Variants in ARL13B observed in about 807,000 individuals in gnomAD.
ARL13B encodes ADP-ribosylation factor-like protein 13B.
Under a neutral mutation model 56.1 loss-of-function variants are expected in ARL13B, and 36 were observed. That is an observed-to-expected ratio of 0.64 (90% CI 0.49 to 0.85). ARL13B has a LOEUF of 0.85. Ranked by LOEUF, ARL13B falls within the 40% of genes least tolerant of loss-of-function variation. ARL13B has a pLI of 0.00. For synonymous variants in ARL13B, 178 were observed against 171.1 expected, an observed-to-expected ratio of 1.04 and a Z score of -0.32; for missense variants, 519 against 507.1, an observed-to-expected ratio of 1.02 and a Z score of -0.23.
At chr3:94,015,097 T>G in intron 3 of ARL13B, 2 of 1,613,898 alleles carry the variant, frequency 1.2e-6, no homozygotes, top group Non-Finnish European at 1.7e-6. Flanking sequence ...AATACTTTCC[T>G]GTAGTTTTTG....
Position 94,039,899 on chromosome 3 carries a change from C to G in ARL13B, c.709C>G (p.Gln237Glu). The G allele has an allele frequency of 6.2e-7, 1 of 1,613,952 alleles. No homozygotes were observed. The highest frequency in any genetic ancestry group is 8.5e-7 in the Non-Finnish European group (1 of 1,179,952). The stretch of plus-strand genomic sequence containing the variant: ...CGATAGAAAACAAAATGAACAGGAG[C>G]AGGCTGAACTCGATGGAACCAGTGG... ...REERKQNEQE[Q>E]AELDGTSGLA... The change falls in exon 6 of 10, where the codon CAG (glutamine) becomes GAG (glutamate). Residue 237 changes from glutamine to glutamate, a missense_variant. By Grantham distance (29) the Gln-to-Glu change is conservative. Coordinates refer to ENST00000394222, the MANE Select transcript of ARL13B (RefSeq NM_001174150.2).
chr3:94,000,925 A>C (rs1306936842), intron 2 of ARL13B, among the ~76,000 whole-genome samples: 2 of 152,126 alleles, frequency 1.3e-5, no homozygotes, highest in Non-Finnish European at 2.9e-5. Context: ...ACGAGGATAG[A>C]TGGATAAATA....
intron 2 of ARL13B, chr3:93,996,546 AG>A (rs2075968563): frequency 3.6e-6 from 1 of 278,920 alleles, no homozygotes. Flanking sequence ...TTAATTTATT[AG>A]GTCTTTTTTT....
At chr3:94,016,752 T>G (rs1184207785) in intron 3 of ARL13B, among the ~76,000 whole-genome samples, 1 of 151,854 alleles carries the variant, frequency 6.6e-6, no homozygotes, top group Middle Eastern at 3.2e-3. Context: ...GTTTAAGTGA[T>G]TCTCCTGCCT....
chr3:94,015,358 C>G (rs1380505633), intron 3 of ARL13B: 4 of 1,071,602 alleles, frequency 3.7e-6, no homozygotes, highest in Non-Finnish European at 1.3e-6. Flanking sequence ...CTTCACATAA[C>G]TGTCTATATC....
At chr3:94,037,737 T>C (rs1189686613) in intron 5 of ARL13B, among the ~76,000 whole-genome samples, 1 of 151,936 alleles carries the variant, frequency 6.6e-6, no homozygotes, top group African/African-American at 2.4e-5. Flanking sequence ...ATGGCCATAA[T>C]TATGTGAAAA....
chr3:94,032,031 TCAAAAG>T (rs1404092272), intron 3 of ARL13B, among the ~76,000 whole-genome samples: 1 of 152,112 alleles, frequency 6.6e-6, no homozygotes, highest in Non-Finnish European at 1.5e-5. Context: ...GACTAAGACC[TCAAAAG>T]CAAAAGCAAC....
At chr3:94,012,744 C>T (rs1156485236) in intron 3 of ARL13B, among the ~76,000 whole-genome samples, 3 of 152,120 alleles carry the variant, frequency 2.0e-5, no homozygotes, top group African/African-American at 7.2e-5. Context: ...GCCACCATCA[C>T]CACCTCCTCT....
At chr3:94,034,332 A>AT (rs1001926793) in intron 3 of ARL13B, among the ~76,000 whole-genome samples, 71 of 149,924 alleles carry the variant, frequency 4.7e-4, no homozygotes, top group Non-Finnish European at 4.2e-4. Context: ...TATGTACTTA[A>AT]TTTTTTTTTT....
At chr3:94,021,136 G>C (rs2076439169) in intron 3 of ARL13B, among the ~76,000 whole-genome samples, 1 of 150,814 alleles carries the variant, frequency 6.6e-6, no homozygotes, top group Non-Finnish European at 1.5e-5. Context: ...AGAATTGCCA[G>C]TTTTAGGTGT....
chr3:93,993,057 A>T (rs1490273723), intron 1 of ARL13B, among the ~76,000 whole-genome samples: 1 of 148,720 alleles, frequency 6.7e-6, no homozygotes, highest in African/African-American at 2.5e-5. Flanking sequence ...GGCCCTCCTC[A>T]GCCTCCCAAA....
At chr3:93,986,446 TA>T (rs1315303352) in intron 1 of ARL13B, among the ~76,000 whole-genome samples, 1 of 152,230 alleles carries the variant, frequency 6.6e-6, no homozygotes, top group Non-Finnish European at 1.5e-5. Context: ...CAATTTGTCG[TA>T]TAGTGATTTT....
At chr3:94,010,676 T>C (rs949934350) in intron 3 of ARL13B, among the ~76,000 whole-genome samples, 2 of 151,998 alleles carry the variant, frequency 1.3e-5, no homozygotes, top group African/African-American at 4.8e-5. Context: ...TAGATTAAGG[T>C]GATACTAATT....
At chr3:94,015,061 T>C in intron 3 of ARL13B, 1 of 1,614,020 alleles carries the variant, frequency 6.2e-7, no homozygotes, top group African/African-American at 1.3e-5. Context: ...CTGCCCAAAT[T>C]TTTGAACATT....
At chr3:94,037,210 G>T (rs1388630170) in intron 5 of ARL13B, among the ~76,000 whole-genome samples, 1 of 152,130 alleles carries the variant, frequency 6.6e-6, no homozygotes, top group Non-Finnish European at 1.5e-5. Flanking sequence ...AGAATTATCA[G>T]GCTTAATATG....
chr3:94,005,074 C>G (rs2076111815), intron 3 of ARL13B, among the ~76,000 whole-genome samples: 1 of 151,978 alleles, frequency 6.6e-6, no homozygotes, highest in African/African-American at 2.4e-5. Context: ...TGGATTTATT[C>G]ATTAATACAT....
chr3:94,007,048 A>T (rs1164237697), intron 3 of ARL13B, among the ~76,000 whole-genome samples: 1 of 152,092 alleles, frequency 6.6e-6, no homozygotes, highest in Non-Finnish European at 1.5e-5. Flanking sequence ...CATATGCCAA[A>T]TATTTACAGC....
chr3:94,008,310 A>C (rs754236180), intron 3 of ARL13B, among the ~76,000 whole-genome samples: 7 of 152,080 alleles, frequency 4.6e-5, no homozygotes, highest in Non-Finnish European at 8.8e-5. Context: ...ACCCCCCTTA[A>C]CTATTTAGAG....
chr3:94,031,831 C>A (rs1480667612), intron 3 of ARL13B, among the ~76,000 whole-genome samples: 1 of 152,062 alleles, frequency 6.6e-6, no homozygotes, highest in Non-Finnish European at 1.5e-5. Flanking sequence ...GAATAGAGAA[C>A]CCAGATGATG....
Sources: gnomAD v4.1 joint callset for allele counts (sites outside exome capture counted in the v4.1 genomes callset) on GRCh38, gnomAD v4.1.1 for gene constraint, MANE v1.5 for transcripts, NCBI Gene and HGNC (gene_info 2026-07-23, HGNC 2026-07-21) for gene names.